Variants in TRPC1 observed in about 807,000 individuals in gnomAD.
TRPC1 encodes the protein short transient receptor potential channel 1.
TRPC1 carries 42 observed loss-of-function variants against 88.2 expected under a neutral mutation model. That is an observed-to-expected ratio of 0.48 (90% CI 0.37 to 0.62). The LOEUF is 0.62. Among genes scored for constraint, TRPC1 ranks in the 20% least tolerant of loss-of-function variants. The probability of loss-of-function intolerance (pLI) is 0.00; values close to 1 mark genes in which losing one functional copy is unlikely to be tolerated. For synonymous variants in TRPC1, 288 were observed against 331.8 expected (o/e 0.87, Z 1.43); for missense variants, 699 against 957.3 (o/e 0.73, Z 3.56).
intron 7 of TRPC1, chr3:142,785,242 ATC>A (rs112691964): frequency 0.08 from 34,770 of 433,596 alleles, 2,164 homozygotes; most frequent in African/African-American, 0.21. Context: ...ATAAGGAAGC[ATC>A]TCTCTTATTT....
chr3:142,793,753 A>G (rs1936367111), intron 9 of TRPC1: 1 of 703,278 alleles, frequency 1.4e-6, no homozygotes, highest in African/African-American at 1.9e-5. Flanking sequence ...ATTTTTCCTT[A>G]AGTCAAAATT....
At chr3:142,804,781 C>A in intron 12 of TRPC1, 151 bp downstream of exon 12, 1 of 626,070 alleles carries the variant, frequency 1.6e-6, no homozygotes, top group Non-Finnish European at 2.6e-6. Context: ...GGCATCGCAT[C>A]CAACATAAAG....
chr3:142,798,356 T>G (rs1291759024), intron 9 of TRPC1, among the ~76,000 whole-genome samples: 2 of 152,188 alleles, frequency 1.3e-5, no homozygotes, highest in Non-Finnish European at 2.9e-5. Context: ...GTGCCTGCTC[T>G]TAAAGACTGC....
intron 4 of TRPC1, among the ~76,000 whole-genome samples, chr3:142,757,131 G>T (rs1296860091): frequency 6.6e-6 from 1 of 152,056 alleles, no homozygotes; most frequent in Admixed American, 6.6e-5. Flanking sequence ...TCCATTGATG[G>T]GTACTTAGGT....
intron 1 of TRPC1, among the ~76,000 whole-genome samples, chr3:142,727,924 G>C (rs1341571960): frequency 1.3e-5 from 2 of 151,900 alleles, no homozygotes; most frequent in African/African-American, 2.4e-5. Context: ...AGGAGAAAGG[G>C]TAAATAAGTT....
Position 142,804,169 on chromosome 3 carries a change from G to A in TRPC1, c.1950G>A (p.Gln650=), listed in dbSNP as rs145460591. 316 of 1,613,618 alleles carry A rather than the reference G, an allele frequency of 2.0e-4. No homozygotes were observed. The highest frequency in any genetic ancestry group is 2.6e-4 in the Non-Finnish European group (302 of 1,179,816). ...LLVAMLHKSF[Q]LIANHEDKEW... is the part of the protein sequence containing the mutation. ...TGGCAATGCTTCATAAAAGCTTTCAGTTGATAGCAGTAAGTTCATTCTTTT... is the reference window on the plus strand; with the variant it reads ...TGGCAATGCTTCATAAAAGCTTTCAATTGATAGCAGTAAGTTCATTCTTTT... Residue 650 remains glutamine (Q), a synonymous_variant, in exon 11 of 13, where the codon CAG becomes CAA. Coordinates refer to ENST00000476941, the MANE Select transcript of TRPC1 (RefSeq NM_001251845.2).
chr3:142,755,939 A>T lies in TRPC1; in HGVS notation c.632+7479A>T, dbSNP rs180951690. On this transcript the variant is annotated intron_variant, in intron 4 of 12. Transcript: ENST00000476941. The stretch of plus-strand genomic sequence containing the variant: ...CTTGTTTCCATCCCCAGCTCCATGC[A>T]ACCACCAGTTTTTCTATTTTTGTAG... Among the ~76,000 whole-genome samples the T allele has an allele frequency of 1.2e-4, 18 of 152,328 alleles. No individual in the cohort carries two copies. The East Asian group carries it at 3.5e-3, about 29-fold the overall frequency.
At chr3:142,799,026 C>T (rs1017900677) in intron 9 of TRPC1, among the ~76,000 whole-genome samples, 3 of 152,106 alleles carry the variant, frequency 2.0e-5, no homozygotes, top group African/African-American at 7.2e-5. Flanking sequence ...ATCCACCTAA[C>T]ACCTCAGTAT....
chr3:142,794,303 G>A (rs952537797), intron 9 of TRPC1, among the ~76,000 whole-genome samples: 1 of 151,732 alleles, frequency 6.6e-6, no homozygotes, highest in Non-Finnish European at 1.5e-5. Flanking sequence ...TTTCTATACT[G>A]GAAATTTCTT....
At chr3:142,762,768 T>G (rs1420607560) in intron 4 of TRPC1, among the ~76,000 whole-genome samples, 1 of 152,148 alleles carries the variant, frequency 6.6e-6, no homozygotes, top group Non-Finnish European at 1.5e-5. Flanking sequence ...CATCATTAGA[T>G]TATTTGAACT....
intron 4 of TRPC1, among the ~76,000 whole-genome samples, chr3:142,757,741 C>G (rs549106292): frequency 2.2e-4 from 33 of 152,176 alleles, no homozygotes; most frequent in Non-Finnish European, 4.0e-4. Flanking sequence ...CAGCAAACCA[C>G]CATGGCACAT....
intron 1 of TRPC1, among the ~76,000 whole-genome samples, chr3:142,734,929 T>C (rs915667915): frequency 6.6e-6 from 1 of 152,244 alleles, no homozygotes; most frequent in Non-Finnish European, 1.5e-5. Context: ...TAGAGTCACC[T>C]GAAATAAGAT....
chr3:142,777,137 C>A (rs893299008), intron 4 of TRPC1, among the ~76,000 whole-genome samples: 1 of 151,886 alleles, frequency 6.6e-6, no homozygotes, highest in African/African-American at 2.4e-5. Context: ...ATAGCATGAC[C>A]CTGTCTCTAT....
rs188357842 is a variant in TRPC1, at chr3:142,740,493, G to T, written c.328-2992G>T. Among the ~76,000 whole-genome samples the T allele has an allele frequency of 1.2e-4, 18 of 152,302 alleles. No homozygotes were observed. The East Asian group carries it at 3.5e-3, about 29-fold the overall frequency. On this transcript the variant is annotated intron_variant, in intron 2 of 12. Transcript: ENST00000476941. ...ATGCCCATCACCATTGTGAGAGTAGGTGAAATCATGGAGAAGAGCAAAGGG... is the reference window on the plus strand; with the variant it reads ...ATGCCCATCACCATTGTGAGAGTAGTTGAAATCATGGAGAAGAGCAAAGGG...
chr3:142,761,543 T>C (rs1171702478), intron 4 of TRPC1, among the ~76,000 whole-genome samples: 2 of 152,190 alleles, frequency 1.3e-5, no homozygotes, highest in Admixed American at 1.3e-4. Context: ...TCTTTTTTTG[T>C]TGGTTCCTTG....
In TRPC1 at chr3:142,806,190, T is replaced by G; in HGVS notation, c.2337T>G (p.Leu779=). The G allele has an allele frequency of 6.2e-7, 1 of 1,613,434 alleles. No homozygotes were observed. The highest frequency in any genetic ancestry group is 8.5e-7 in the Non-Finnish European group (1 of 1,179,462). The part of the protein sequence containing the change: ...SKFRNEIRDL[L]GFRTSKYAMF... ...TCCGAAATGAAATAAGGGATTTACT[T>G]GGCTTTCGGACTTCTAAATATGCTA... The change falls in exon 13 of 13, where the codon CTT becomes CTG. Residue 779 remains leucine (L), a synonymous_variant. Transcript: ENST00000476941.
At chr3:142,749,387 T>C (rs571470364) in intron 4 of TRPC1, among the ~76,000 whole-genome samples, 3 of 152,216 alleles carry the variant, frequency 2.0e-5, no homozygotes, top group South Asian at 2.1e-4. Context: ...CTTCTACTTA[T>C]AAAAAAATAG....
At position 142,802,314 on chromosome 3, in the gene TRPC1, G is replaced by C. The variant is rs1936646073; in HGVS notation, c.1727G>C (p.Cys576Ser). 2.7e-6 allele frequency: 4 copies of C among 1,508,246 alleles called. No individual in the cohort carries two copies. The highest frequency in any genetic ancestry group is 2.7e-6 in the Non-Finnish European group (3 of 1,131,732). 93.4% of individuals were successfully genotyped at this position (1,508,246 alleles called of 1,614,324 possible). ...KEQKDCVGIF[C>S]EQQSNDTFHS... ...CAGAAGGACTGTGTAGGCATCTTCTGTGAACAGCAAAGCAATGATACCTTC... is the reference window on the plus strand; with the variant it reads ...CAGAAGGACTGTGTAGGCATCTTCTCTGAACAGCAAAGCAATGATACCTTC... The change falls in exon 10 of 13, where the codon TGT becomes TCT. Residue 576 changes from cysteine to serine, a missense_variant. This residue lies in a region of TRPC1 where 426 missense variants were observed against 641.3 expected (regional missense o/e 0.66). Coordinates refer to ENST00000476941, the MANE Select transcript of TRPC1 (RefSeq NM_001251845.2).
At chr3:142,786,176 A>G (rs1025452726) in intron 7 of TRPC1, among the ~76,000 whole-genome samples, 1 of 152,104 alleles carries the variant, frequency 6.6e-6, no homozygotes, top group Non-Finnish European at 1.5e-5. Flanking sequence ...AGCACTTCCC[A>G]TCTGTCCGTC....
Sources: allele counts gnomAD v4.1 joint callset (sites outside exome capture counted in the v4.1 genomes callset), GRCh38; gene constraint gnomAD v4.1.1; regional missense constraint gnomAD v4.1.1; transcripts MANE v1.5; gene names NCBI Gene and HGNC (gene_info 2026-07-23, HGNC 2026-07-21).